Variants in HGD observed in about 807,000 individuals in gnomAD.
HGD encodes homogentisate oxidase.
Under a neutral mutation model 60.8 loss-of-function variants are expected in HGD, and 61 were observed. The observed-to-expected ratio is 1.00, with a 90% CI of 0.82 to 1.24. The LOEUF (loss-of-function observed/expected upper bound fraction) is 1.24, where lower values mean the gene tolerates loss of function less well. HGD is among the 50% of genes most tolerant of loss of function. The pLI, the probability that HGD is intolerant of heterozygous loss-of-function variation, is 0.00. For missense variants in HGD, 542 were observed against 547.1 expected (o/e 0.99, Z 0.09); for synonymous variants, 212 against 187.7 (o/e 1.13, Z -1.06).
chr3:120,640,253 A>C, intron 11 of HGD, among the ~76,000 whole-genome samples: 1 of 65,224 alleles, frequency 1.5e-5, no homozygotes, highest in African/African-American at 5.9e-5. Context: ...AAAGGGAGGG[A>C]GGGAGGGAGG....
At position 120,652,552 on chromosome 3, in the gene HGD, G is replaced by C. The variant is rs577419709; in HGVS notation, c.342+40C>G. 1.1e-5 allele frequency: 16 copies of C among 1,455,890 alleles called. No homozygotes were observed. In the South Asian group the frequency reaches 1.8e-4, roughly 17 times the overall value. 90.2% of individuals were successfully genotyped at this position (1,455,890 alleles called of 1,614,324 possible). On this transcript the variant is annotated intron_variant, in intron 5 of 13. Coordinates refer to ENST00000283871, the MANE Select transcript of HGD (RefSeq NM_000187.4). ...TGGTTGGCTCACTCACCACAGAAGA[G>C]AGGAGAGCAGTAGGGAGGGTGTGGA...
intron 11 of HGD, among the ~76,000 whole-genome samples, chr3:120,640,329 C>A (rs1940930302): frequency 6.6e-6 from 1 of 151,644 alleles, no homozygotes; most frequent in Non-Finnish European, 1.5e-5. Flanking sequence ...TCAAAGTGCA[C>A]AGAGATTTTG....
intron 4 of HGD, among the ~76,000 whole-genome samples, chr3:120,655,653 G>C (rs1941473783): frequency 6.6e-6 from 1 of 152,188 alleles, no homozygotes; most frequent in Non-Finnish European, 1.5e-5. Flanking sequence ...AATAGGAAGA[G>C]TCCATGGAGT....
At chr3:120,647,705 A>G (rs1418369699) in intron 7 of HGD, among the ~76,000 whole-genome samples, 172 bp downstream of exon 7, 1 of 152,222 alleles carries the variant, frequency 6.6e-6, no homozygotes, top group Non-Finnish European at 1.5e-5. Context: ...TTTGAGGTAC[A>G]CTAGAAATCT....
In HGD at chr3:120,633,321, G is replaced by A. The variant is rs748707886; in HGVS notation, c.1014C>T (p.Cys338=). ...TFRPPYYHRN[C]MSEFMGLIRG... ...GGATGAGTCCCATGAACTCACTCAT[G>A]CAGTTCCCTGGGAAGGTTGAAGCAG... Residue 338 remains cysteine (C), a synonymous_variant, in exon 13 of 14, where the codon TGC becomes TGT. Coordinates refer to ENST00000283871, the MANE Select transcript of HGD (RefSeq NM_000187.4). 30 of 1,614,068 alleles carry A rather than the reference G, an allele frequency of 1.9e-5. No individual in the cohort carries two copies. The African/African-American group carries it at 3.9e-4, about 21-fold the overall frequency.
At chr3:120,656,566 G>T (rs973338693) in intron 4 of HGD, among the ~76,000 whole-genome samples, 1 of 151,068 alleles carries the variant, frequency 6.6e-6, no homozygotes, top group Admixed American at 6.6e-5. Context: ...TTTTTTTTGG[G>T]GGGGGGTTGG....
At chr3:120,651,928 T>C (rs1165512798) in intron 5 of HGD, among the ~76,000 whole-genome samples, 1 of 152,214 alleles carries the variant, frequency 6.6e-6, no homozygotes, top group Non-Finnish European at 1.5e-5. Context: ...TATTTACTTT[T>C]GCTAATCTCT....
rs1941086163 is a variant in HGD at position 120,644,263 on chromosome 3, G to A, written c.774+56C>T. On this transcript the variant is annotated intron_variant, in intron 10 of 13. Coordinates refer to ENST00000283871, the MANE Select transcript of HGD (RefSeq NM_000187.4). ...TTTGTAACACTCGCCTTGGCAATCA[G>A]TAAGTGCTCAATCACTCTTCATTTC... is the stretch of plus-strand genomic sequence containing the variant. 6.2e-6 allele frequency: 10 copies of A among 1,608,066 alleles called. No individual in the cohort carries two copies. The South Asian group carries it at 8.8e-5, about 14-fold the overall frequency.
intron 4 of HGD, among the ~76,000 whole-genome samples, chr3:120,657,522 G>A (rs1941532592): frequency 6.6e-6 from 1 of 151,820 alleles, no homozygotes; most frequent in Non-Finnish European, 1.5e-5. Flanking sequence ...CACTGGCTGA[G>A]GATAGACAGA....
intron 4 of HGD, among the ~76,000 whole-genome samples, chr3:120,668,261 C>A (rs1417810659): frequency 6.6e-6 from 1 of 152,134 alleles, no homozygotes; most frequent in Non-Finnish European, 1.5e-5. Context: ...TTTTTCCACC[C>A]TAAATGCCTC....
chr3:120,636,883 A>C (rs1940799319), intron 12 of HGD, among the ~76,000 whole-genome samples: 2 of 152,166 alleles, frequency 1.3e-5, no homozygotes, highest in South Asian at 4.1e-4. Flanking sequence ...AGAGGGACCT[A>C]TTATAAACAG....
chr3:120,671,209 T>C (rs1300838647), intron 3 of HGD, among the ~76,000 whole-genome samples: 2 of 152,192 alleles, frequency 1.3e-5, no homozygotes, highest in East Asian at 3.8e-4. Flanking sequence ...TATCAGATCA[T>C]TTTAACTCTT....
chr3:120,675,426 A>C (rs1708109019), intron 2 of HGD, among the ~76,000 whole-genome samples: 1 of 151,984 alleles, frequency 6.6e-6, no homozygotes, highest in African/African-American at 2.4e-5. Context: ...TGCTTTTCTA[A>C]CCAGCACTAG....
intron 4 of HGD, among the ~76,000 whole-genome samples, chr3:120,658,358 T>C (rs1051370989): frequency 5.9e-5 from 9 of 152,194 alleles, no homozygotes; most frequent in African/African-American, 1.7e-4. Flanking sequence ...CGTGCATGTC[T>C]GAAACACAGC....
chr3:120,679,752 T>C (rs1010995965), intron 1 of HGD, among the ~76,000 whole-genome samples: 3 of 152,134 alleles, frequency 2.0e-5, no homozygotes, highest in African/African-American at 7.2e-5. Flanking sequence ...GGGTAGCCTC[T>C]AGAAGAGGAA....
At chr3:120,630,979 C>A (rs1940576993) in intron 13 of HGD, among the ~76,000 whole-genome samples, 1 of 151,448 alleles carries the variant, frequency 6.6e-6, no homozygotes, top group Non-Finnish European at 1.5e-5. Context: ...CTAAGAGGAA[C>A]AGAAAACCAA....
intron 4 of HGD, among the ~76,000 whole-genome samples, chr3:120,655,789 G>C (rs1941477483): frequency 6.6e-6 from 1 of 152,172 alleles, no homozygotes; most frequent in Non-Finnish European, 1.5e-5. Flanking sequence ...TACTGTCTCT[G>C]TTCCCGTTTT....
At chr3:120,638,056 G>C (rs1455177437) in intron 12 of HGD, among the ~76,000 whole-genome samples, 1 of 152,070 alleles carries the variant, frequency 6.6e-6, no homozygotes, top group Non-Finnish European at 1.5e-5. Context: ...AAAGAAGCTG[G>C]GACTTCCTCC....
rs1046523610 is a variant in HGD at position 120,638,504 on chromosome 3, T to A, written c.957A>T (p.Pro319=). 1.2e-6 allele frequency: 2 copies of A among 1,613,728 alleles called. No individual in the cohort carries two copies. The highest frequency in any genetic ancestry group is 1.7e-6 in the Non-Finnish European group (2 of 1,179,902). Residue 319 remains proline, a synonymous_variant, in exon 12 of 14, where the codon CCA becomes CCT. Transcript: ENST00000283871. The stretch of plus-strand genomic sequence containing the variant: ...TCTTATCAGCAACCCCCCATCGAGG[T>A]GGGAAGATGACAAAATCAGCAATGG... The part of the protein sequence containing the change: ...GVAIADFVIF[P]PRWGVADKTF...
Sources: allele counts gnomAD v4.1 joint callset (sites outside exome capture counted in the v4.1 genomes callset), GRCh38; gene constraint gnomAD v4.1.1; transcripts MANE v1.5; gene names NCBI Gene and HGNC (gene_info 2026-07-23, HGNC 2026-07-21).